MTAP: variants seen among roughly 807,000 people sequenced by gnomAD.
MTAP encodes the protein S-methyl-5'-thioadenosine phosphorylase.
Under a neutral mutation model 33.6 loss-of-function variants are expected in MTAP, and 33 were observed. The ratio of observed to expected loss-of-function variants is 0.98; its 90% CI spans 0.74 to 1.31. The LOEUF (loss-of-function observed/expected upper bound fraction) is 1.31. Among genes scored for constraint, MTAP ranks in the 40% most tolerant of loss-of-function variants. The pLI is 0.00. For synonymous variants in MTAP, 148 were observed against 125.7 expected, an observed-to-expected ratio of 1.18 and a Z score of -1.19; for missense variants, 367 against 360.0, an observed-to-expected ratio of 1.02 and a Z score of -0.16.
intron 4 of MTAP, among the ~76,000 whole-genome samples, chr9:21,837,176 T>C (rs1825131653): frequency 6.6e-6 from 1 of 152,172 alleles, no homozygotes; most frequent in African/African-American, 2.4e-5. Context: ...TAAGACACTT[T>C]AGAATTAATT....
chr9:21,931,317 A>G (rs556958109), downstream of MTAP: 2 of 575,074 alleles, frequency 3.5e-6, no homozygotes, highest in Non-Finnish European at 6.2e-6. Flanking sequence ...TTTGCGGGGG[A>G]AAATGTTAGA....
rs1563851584 is a variant in MTAP at position 21,863,191 on chromosome 9, A to T, written c.*1177A>T. The T allele has an allele frequency of 4.2e-6, 4 of 962,896 alleles. No individual in the cohort carries two copies. Among genetic ancestry groups the T allele is most frequent in the Non-Finnish European group, 4.9e-6 (4 of 809,492 alleles). 59.6% of individuals were successfully genotyped at this position (962,896 alleles called of 1,614,324 possible). ...CACATTTTATGGTATCTGATATTTT[A>T]AAAAGTAATGTTTGATTCTCCTTTT... On this transcript the variant is annotated 3_prime_UTR_variant, in exon 8 of 8. Coordinates refer to ENST00000644715, the MANE Select transcript of MTAP (RefSeq NM_002451.4).
intron 7 of MTAP, chr9:21,860,683 G>A (rs1431337941): frequency 6.6e-6 from 1 of 152,184 alleles, no homozygotes; most frequent in Non-Finnish European, 1.5e-5. Context: ...ATGTTGGTTT[G>A]CCAGAAATGT....
intron 1 of MTAP, chr9:21,930,858 G>C (rs769095483): frequency 3.9e-5 from 25 of 649,258 alleles, no homozygotes; most frequent in Non-Finnish European, 3.8e-5. Context: ...AGCCTCTCGT[G>C]GTTAGTTAGA....
chr9:21,878,238 T>G (rs1264808179), intron 1 of MTAP, among the ~76,000 whole-genome samples: 2 of 152,060 alleles, frequency 1.3e-5, no homozygotes, highest in African/African-American at 4.8e-5. Context: ...TATTTGGATA[T>G]TCTCTGTTTT....
intron 7 of MTAP, chr9:21,861,334 C>G (rs547113844): frequency 6.6e-6 from 1 of 152,104 alleles, no homozygotes; most frequent in East Asian, 1.9e-4. Flanking sequence ...TATATATATA[C>G]ACACATACAT....
chr9:21,915,381 C>T (rs566731371), intron 1 of MTAP, among the ~76,000 whole-genome samples: 7 of 152,070 alleles, frequency 4.6e-5, no homozygotes, highest in Admixed American at 1.3e-4. Context: ...GTCAGCCACC[C>T]GTGCCTGGCC....
intron 1 of MTAP, among the ~76,000 whole-genome samples, chr9:21,888,981 A>G (rs1017038439): frequency 1.1e-4 from 16 of 152,244 alleles, no homozygotes; most frequent in Admixed American, 2.6e-4. Flanking sequence ...GTGGGGTCCT[A>G]TCTTTAGCCT....
intron 1 of MTAP, among the ~76,000 whole-genome samples, chr9:21,894,951 C>T (rs1045437331): frequency 6.6e-6 from 1 of 152,000 alleles, no homozygotes; most frequent in South Asian, 2.1e-4. Context: ...AATAAAATAC[C>T]TAGTAATACA....
chr9:21,934,238 C>T (rs1240186083), downstream of MTAP: 1 of 152,172 alleles, frequency 6.6e-6, no homozygotes, highest in East Asian at 1.9e-4. This position sits in a 1 kb window ranked among gnomAD's most constrained non-coding sequence, Gnocchi z 5.0. Context: ...AGTATGGCTA[C>T]TAGAATTGGC....
intron 1 of MTAP, chr9:21,892,719 G>C (rs993937661): frequency 6.6e-6 from 1 of 152,140 alleles, no homozygotes. Context: ...ACAGATCATT[G>C]AGGCAGAGAA....
chr9:21,813,465 T>C (rs1006026329), intron 1 of MTAP, among the ~76,000 whole-genome samples: 2 of 152,198 alleles, frequency 1.3e-5, no homozygotes, highest in African/African-American at 4.8e-5. Flanking sequence ...TTGGGGTTGC[T>C]GAGAGTGAGC....
At chr9:21,842,281 C>G (rs766329763) in intron 5 of MTAP, among the ~76,000 whole-genome samples, 4 of 151,960 alleles carry the variant, frequency 2.6e-5, no homozygotes, top group Non-Finnish European at 5.9e-5. Context: ...GTTAAATGGC[C>G]AAACCTAAGA....
chr9:21,821,713 C>T (rs1824645397), intron 4 of MTAP, among the ~76,000 whole-genome samples: 1 of 152,026 alleles, frequency 6.6e-6, no homozygotes, highest in South Asian at 2.1e-4. Context: ...CCAGCTCCTC[C>T]TTGTACCTCT....
intron 5 of MTAP, among the ~76,000 whole-genome samples, chr9:21,839,190 A>T (rs1482868419): frequency 5.7e-4 from 61 of 107,944 alleles, no homozygotes; most frequent in Admixed American, 2.8e-3. Flanking sequence ...TTTTTTTTTA[A>T]AAAAGTGGCA....
Position 21,862,029 on chromosome 9 carries a change from C to A in MTAP, c.*15C>A, listed in dbSNP as rs754086497. The A allele has an allele frequency of 2.5e-5, 40 of 1,612,014 alleles. No homozygotes were observed. In the East Asian group the frequency reaches 8.9e-4, roughly 36 times the overall value. On this transcript the variant is annotated 3_prime_UTR_variant, in exon 8 of 8. Coordinates refer to ENST00000644715, the MANE Select transcript of MTAP (RefSeq NM_002451.4). ...CAAGACATTAAAGTAGCATGGCTGCCCAGGAGAAAAGAAGACATTCTAATT... is the reference window on the plus strand; with the variant it reads ...CAAGACATTAAAGTAGCATGGCTGCACAGGAGAAAAGAAGACATTCTAATT...
intron 5 of MTAP, among the ~76,000 whole-genome samples, chr9:21,854,239 G>C (rs549838456): frequency 1.3e-5 from 2 of 152,344 alleles, no homozygotes; most frequent in African/African-American, 4.8e-5. Context: ...TAAGCGACGA[G>C]AGGCACCTTA....
chr9:21,807,520 T>C (rs1356051798), intron 1 of MTAP, among the ~76,000 whole-genome samples: 1 of 152,174 alleles, frequency 6.6e-6, no homozygotes, highest in Non-Finnish European at 1.5e-5. Flanking sequence ...TCCCAAGCAT[T>C]GCAGGACATG....
chr9:21,861,095 C>A (rs903243976), intron 7 of MTAP: 1 of 152,132 alleles, frequency 6.6e-6, no homozygotes, highest in Admixed American at 6.5e-5. Flanking sequence ...CAACTAACCC[C>A]ACTTTGACCA....
Sources: allele counts gnomAD v4.1 joint callset (sites outside exome capture counted in the v4.1 genomes callset), GRCh38; gene constraint gnomAD v4.1.1; non-coding constraint Gnocchi (gnomAD v3.1); transcripts MANE v1.5; gene names NCBI Gene and HGNC (gene_info 2026-07-23, HGNC 2026-07-21).